Variants in PPP2R3C observed in about 807,000 individuals in gnomAD.
PPP2R3C encodes serine/threonine-protein phosphatase 2A regulatory subunit B'' subunit gamma.
In PPP2R3C, 47 loss-of-function variants were observed where a neutral mutation model predicts 63.7. The observed-to-expected ratio is 0.74, with a 90% CI of 0.58 to 0.94. The LOEUF is 0.94. PPP2R3C is among the 40% of genes least tolerant of loss of function. The pLI is 0.00. For missense variants in PPP2R3C, 421 were observed against 518.4 expected, an observed-to-expected ratio of 0.81 and a Z score of 1.82; for synonymous variants, 180 against 177.4, an observed-to-expected ratio of 1.01 and a Z score of -0.12.
chr14:35,109,901 T>A lies in PPP2R3C; in HGVS notation c.322A>T (p.Thr108Ser). The A allele has an allele frequency of 6.2e-7, 1 of 1,611,020 alleles. No individual in the cohort carries two copies. Among genetic ancestry groups the A allele is most frequent in the Non-Finnish European group, 8.5e-7 (1 of 1,177,876 alleles). ...GCTTCCTCTCCAATCATAGGTGGTG[T>A]CTGGTGTTTGTCCAGCAAAAACCAT... ...NLWFLLDKHQTPPMIGEEAMI... is the reference protein window; with the variant it reads ...NLWFLLDKHQSPPMIGEEAMI... The change falls in exon 4 of 13, where the codon ACA (threonine) becomes TCA (serine). Residue 108 changes from threonine to serine, a missense_variant. This residue lies in a region of PPP2R3C where 143 missense variants were observed against 151.2 expected (regional missense o/e 0.95). Coordinates refer to ENST00000261475, the MANE Select transcript of PPP2R3C (RefSeq NM_017917.4).
intron 12 of PPP2R3C, 147 bp from the exon 13 acceptor site, chr14:35,085,925 T>G (rs1178639282): frequency 1.5e-6 from 1 of 655,356 alleles, no homozygotes; most frequent in Non-Finnish European, 2.4e-6. Flanking sequence ...AATTTTTTGT[T>G]CTACTTTTTT....
At chr14:35,119,395 G>C (rs1832942958) in intron 1 of PPP2R3C, among the ~76,000 whole-genome samples, 1 of 152,088 alleles carries the variant, frequency 6.6e-6, no homozygotes, top group African/African-American at 2.4e-5. Context: ...GCAGTATAGT[G>C]TCATGATCAT....
In PPP2R3C at chr14:35,085,782, C is replaced by CAAAA; in HGVS notation, c.1174-5_1174-4insTTTT. 1.3e-6 allele frequency: 2 copies of CAAAA among 1,577,862 alleles called. No homozygotes were observed. The highest frequency in any genetic ancestry group is 3.7e-5 in the Admixed American group (2 of 53,354). ...TTACCATGTCAAAGATTTCATCCTG[C>CAAAA]AAGAGAAAAAAAAATACAATGAAAT... On this transcript the variant is annotated splice_region_variant and splice_polypyrimidine_tract_variant and intron_variant, in intron 12 of 12. Transcript: ENST00000261475.
intron 4 of PPP2R3C, among the ~76,000 whole-genome samples, chr14:35,108,899 C>T (rs1215616912): frequency 6.6e-6 from 1 of 151,954 alleles, no homozygotes. Flanking sequence ...CGTGAGGCAC[C>T]ATGCCTAGCC....
In PPP2R3C at chr14:35,121,774, C is replaced by T. The variant is rs2046906341; in HGVS notation, c.58+128G>A. 20 of 1,047,168 alleles carry T rather than the reference C, an allele frequency of 1.9e-5. No individual in the cohort carries two copies. In the South Asian group the frequency reaches 2.3e-4, roughly 12 times the overall value. The allele number at this position is 1,047,168 out of a possible 1,614,324, so 64.9% of individuals were successfully genotyped here. A position where few individuals can be genotyped will look rare whatever the true frequency, so the allele number is the denominator to read the frequency against. ...ATCCTTAAACCACATTCCACTCCGCCTCCTTTGTCGGGAGGTTTCACAGAA... is the reference window on the plus strand; with the variant it reads ...ATCCTTAAACCACATTCCACTCCGCTTCCTTTGTCGGGAGGTTTCACAGAA... On this transcript the variant is annotated intron_variant, in intron 1 of 12. Transcript: ENST00000261475.
chr14:35,120,172 T>C (rs2046824911), intron 1 of PPP2R3C, among the ~76,000 whole-genome samples: 1 of 150,040 alleles, frequency 6.7e-6, no homozygotes, highest in African/African-American at 2.4e-5. Context: ...AGCCAGAGTG[T>C]ATGGGCAACT....
chr14:35,110,724 T>G, intron 2 of PPP2R3C, 95 bp from the exon 3 acceptor site: 1 of 718,790 alleles, frequency 1.4e-6, no homozygotes, highest in Admixed American at 2.8e-5. Flanking sequence ...TGCCACCGCC[T>G]CGAATTATTT....
At chr14:35,093,311 A>T (rs1440416409) in intron 10 of PPP2R3C, among the ~76,000 whole-genome samples, 1 of 152,170 alleles carries the variant, frequency 6.6e-6, no homozygotes, top group Admixed American at 6.5e-5. Flanking sequence ...TCACTTAGAT[A>T]AAAATTTTAT....
chr14:35,108,387 C>A, intron 4 of PPP2R3C, 151 bp from the exon 5 acceptor site: 3 of 1,013,846 alleles, frequency 3.0e-6, no homozygotes, highest in Non-Finnish European at 3.9e-6. Flanking sequence ...AATATTAAGT[C>A]AAACTTTTTT....
chr14:35,090,630 T>C (rs1863511857), intron 11 of PPP2R3C, among the ~76,000 whole-genome samples: 1 of 152,178 alleles, frequency 6.6e-6, no homozygotes, highest in Admixed American at 6.5e-5. Context: ...TAGATGCTGA[T>C]TTTAGATCTT....
chr14:35,118,537 G>A (rs1194480520), intron 1 of PPP2R3C, among the ~76,000 whole-genome samples: 1 of 152,024 alleles, frequency 6.6e-6, no homozygotes, highest in East Asian at 1.9e-4. Flanking sequence ...TCTGCTATAA[G>A]CTACAACGGT....
chr14:35,111,913 T>C (rs1443396930), intron 2 of PPP2R3C, among the ~76,000 whole-genome samples: 1 of 152,184 alleles, frequency 6.6e-6, no homozygotes, highest in Admixed American at 6.6e-5. Flanking sequence ...CTGATTTGAG[T>C]AATAATAAAA....
chr14:35,096,880 A>C, intron 7 of PPP2R3C, 116 bp from the exon 8 acceptor site: 1 of 1,010,420 alleles, frequency 9.9e-7, no homozygotes, highest in Non-Finnish European at 1.4e-6. Flanking sequence ...TAAAGCTTCT[A>C]GCTCTTATGC....
intron 12 of PPP2R3C, chr14:35,085,994 G>C (rs2138586838): frequency 3.9e-6 from 2 of 515,468 alleles, no homozygotes; most frequent in East Asian, 6.6e-5. Context: ...AATTTTATTG[G>C]ATAACTCCTT....
Position 35,088,009 on chromosome 14 carries a change from G to A in PPP2R3C, c.1115C>T (p.Ala372Val), listed in dbSNP as rs749475169. ...NVFSLNYFFR[A>V]IQELMKIHGQ... ...ATGGATTTTCATTAGTTCCTGTATG[G>A]CCTGTATTTAATAGAAATAAATCTG... is the stretch of plus-strand genomic sequence containing the variant. The change falls in exon 12 of 13, where the codon GCC becomes GTC. Residue 372 changes from alanine (A) to valine (V), a missense_variant and splice_region_variant. Ala to Val is a moderately conservative substitution (Grantham distance 64). Around this residue, in one of 3 missense-constraint regions of PPP2R3C, gnomAD observed 231 missense variants for 264.8 expected, o/e 0.87. Transcript: ENST00000261475. 6.3e-7 allele frequency: 1 copy of A among 1,585,040 alleles called. No individual in the cohort carries two copies. The highest frequency in any genetic ancestry group is 8.7e-7 in the Non-Finnish European group (1 of 1,153,824).
intron 11 of PPP2R3C, among the ~76,000 whole-genome samples, chr14:35,088,466 G>A (rs933486873): frequency 2.6e-5 from 4 of 152,104 alleles, no homozygotes; most frequent in African/African-American, 7.2e-5. Context: ...AGAAATGGAG[G>A]TAGACCTCCC....
intron 11 of PPP2R3C, 162 bp from the exon 12 acceptor site, chr14:35,088,172 A>C: frequency 1.6e-6 from 1 of 634,784 alleles, no homozygotes; most frequent in East Asian, 2.8e-5. Flanking sequence ...CTTATTCCAC[A>C]TCAGTGAGCA....
chr14:35,121,878 C>A, intron 1 of PPP2R3C, 24 bp downstream of exon 1: 1 of 1,613,544 alleles, frequency 6.2e-7, no homozygotes, highest in Non-Finnish European at 8.5e-7. Flanking sequence ...GCCATCCCAA[C>A]GGGCTGCCCC....
chr14:35,085,584 C>G lies in PPP2R3C; in HGVS notation c.*6G>C, dbSNP rs749247314. ...CATAATATAAGACAGTCTAGTCTTT[C>G]AGAGATCATGTATCATCAAGGTCTG... On this transcript the variant is annotated 3_prime_UTR_variant, in exon 13 of 13. Coordinates refer to ENST00000261475, the MANE Select transcript of PPP2R3C (RefSeq NM_017917.4). 14 of 1,593,580 alleles carry G rather than the reference C, an allele frequency of 8.8e-6. No individual in the cohort carries two copies. The African/African-American group carries it at 1.5e-4, about 17-fold the overall frequency.
Sources: allele counts gnomAD v4.1 joint callset (sites outside exome capture counted in the v4.1 genomes callset), GRCh38; gene constraint gnomAD v4.1.1; regional missense constraint gnomAD v4.1.1; transcripts MANE v1.5; gene names NCBI Gene and HGNC (gene_info 2026-07-23, HGNC 2026-07-21).